The following ROBO1 variants were observed in gnomAD, a reference collection of about 807,000 sequenced individuals.
The protein encoded by ROBO1 is roundabout guidance receptor 1.
Under a neutral mutation model 195.9 loss-of-function variants are expected in ROBO1, and 149 were observed. The observed-to-expected ratio is 0.76, with a 90% CI of 0.67 to 0.87. The LOEUF is 0.87. Among genes scored for constraint, ROBO1 ranks in the 40% least tolerant of loss-of-function variants. The pLI is 0.00. For synonymous variants in ROBO1, 816 were observed against 733.2 expected (o/e 1.11, Z -1.82); for missense variants, 1,933 against 2,068.3 (o/e 0.93, Z 1.27).
At position 78,647,498 on chromosome 3, in the gene ROBO1, T is replaced by C. The variant is rs1706376548; in HGVS notation, c.2839+131A>G. The C allele has an allele frequency of 3.0e-5, 26 of 865,134 alleles. 2 individuals carry two copies. The South Asian group carries it at 3.3e-4, about 11-fold the overall frequency. 53.6% of individuals were successfully genotyped at this position (865,134 alleles called of 1,614,324 possible). ...TAAACACATGCCTGGTGTGAGTAAA[T>C]CAAGTATTACATTCCACTTTAAGTT... On this transcript the variant is annotated intron_variant, in intron 20 of 30. Transcript: ENST00000464233.
At chr3:79,353,427 A>G (rs924961299) in intron 2 of ROBO1, among the ~76,000 whole-genome samples, 3 of 151,956 alleles carry the variant, frequency 2.0e-5, no homozygotes, top group African/African-American at 4.8e-5. Flanking sequence ...ACACACACAC[A>G]CACGCACAGA....
chr3:79,741,885 G>C (rs1348351150), intron 1 of ROBO1, among the ~76,000 whole-genome samples: 1 of 152,196 alleles, frequency 6.6e-6, no homozygotes, highest in East Asian at 1.9e-4. Flanking sequence ...TTAGCAAAGA[G>C]GCTGGCAGCA....
chr3:79,222,857 A>G lies in ROBO1; in HGVS notation c.89-97318T>C, dbSNP rs193225236. ...TTTGTCCAACACAAAACAAACAAAC[A>G]AACAAAAACAAGAGTGTTTTTAGAC... On this transcript the variant is annotated intron_variant, in intron 2 of 30. Coordinates refer to ENST00000464233, the MANE Select transcript of ROBO1 (RefSeq NM_002941.4). Among the ~76,000 whole-genome samples, 784 of 152,270 alleles carry G rather than the reference A, an allele frequency of 5.1e-3. 12 individuals carry two copies. Among genetic ancestry groups the G allele is most frequent in the African/African-American group, 0.018 (740 of 41,534 alleles).
intron 4 of ROBO1, among the ~76,000 whole-genome samples, chr3:78,765,087 T>G (rs1342773469): frequency 6.6e-6 from 1 of 152,140 alleles, no homozygotes; most frequent in African/African-American, 2.4e-5. Flanking sequence ...TTGCTGAATT[T>G]TTAAAAAGTA....
chr3:79,705,511 G>A (rs1340980267), intron 1 of ROBO1, among the ~76,000 whole-genome samples: 1 of 151,924 alleles, frequency 6.6e-6, no homozygotes, highest in Non-Finnish European at 1.5e-5. Context: ...CTTTATTTCT[G>A]GGCTCTCTCT....
chr3:79,630,582 A>G (rs1945308688), intron 1 of ROBO1, among the ~76,000 whole-genome samples: 1 of 152,070 alleles, frequency 6.6e-6, no homozygotes. Context: ...CTGGAGAAAG[A>G]CAAGGATGCT....
intron 2 of ROBO1, among the ~76,000 whole-genome samples, chr3:79,493,340 G>A (rs1226948900): frequency 6.6e-6 from 1 of 151,838 alleles, no homozygotes; most frequent in African/African-American, 2.4e-5. Flanking sequence ...TATAATATGT[G>A]ATGAATTTCT....
At chr3:78,939,560 G>T (rs2040018715) in intron 3 of ROBO1, among the ~76,000 whole-genome samples, 1 of 151,138 alleles carries the variant, frequency 6.6e-6, no homozygotes, top group Non-Finnish European at 1.5e-5. Flanking sequence ...GGAGCTTGCA[G>T]TGAGCCGAGA....
chr3:78,951,302 A>AT (rs2040771659), intron 3 of ROBO1, among the ~76,000 whole-genome samples: 1 of 152,014 alleles, frequency 6.6e-6, no homozygotes, highest in African/African-American at 2.4e-5. Context: ...ACATATATAT[A>AT]ATATTCGACT....
intron 2 of ROBO1, among the ~76,000 whole-genome samples, chr3:79,564,634 A>G (rs1340149950): frequency 6.6e-6 from 1 of 152,106 alleles, no homozygotes; most frequent in Admixed American, 6.6e-5. Context: ...TTGAGAATTT[A>G]TGAGTCAAAC....
At chr3:78,759,656 T>G (rs918127176) in intron 4 of ROBO1, among the ~76,000 whole-genome samples, 1 of 152,194 alleles carries the variant, frequency 6.6e-6, no homozygotes, top group African/African-American at 2.4e-5. Flanking sequence ...CCCACCGAAT[T>G]TTATCCTCAT....
intron 2 of ROBO1, among the ~76,000 whole-genome samples, chr3:79,396,584 G>C (rs1246274872): frequency 6.6e-6 from 1 of 152,012 alleles, no homozygotes; most frequent in African/African-American, 2.4e-5. Context: ...AGGAAAAGAA[G>C]TCATAATTAC....
At chr3:78,631,481 T>A (rs188551843) in intron 24 of ROBO1, among the ~76,000 whole-genome samples, 176 bp from the exon 25 acceptor site, 3 of 152,162 alleles carry the variant, frequency 2.0e-5, no homozygotes, top group Non-Finnish European at 4.4e-5. Context: ...TGCAAGGTAC[T>A]GCCATGAATA....
intron 5 of ROBO1, among the ~76,000 whole-genome samples, chr3:78,732,454 CTGTAGGACTAA>C (rs2082306302): frequency 6.6e-6 from 1 of 152,114 alleles, no homozygotes; most frequent in Admixed American, 6.6e-5. Context: ...CATGTGTTGT[CTGTAGGACTAA>C]TGTTGTAAGG....
At chr3:79,391,917 A>C (rs1266551204) in intron 2 of ROBO1, among the ~76,000 whole-genome samples, 1 of 152,174 alleles carries the variant, frequency 6.6e-6, no homozygotes, top group East Asian at 1.9e-4. Context: ...TACAAGTATC[A>C]CTTCTCCCTC....
At chr3:79,475,422 A>G (rs1309906652) in intron 2 of ROBO1, among the ~76,000 whole-genome samples, 1 of 152,048 alleles carries the variant, frequency 6.6e-6, no homozygotes, top group African/African-American at 2.4e-5. Context: ...GGTAAGAAAT[A>G]AAAATGCTCT....
chr3:79,050,059 G>T (rs567486061), intron 3 of ROBO1, among the ~76,000 whole-genome samples: 2 of 152,230 alleles, frequency 1.3e-5, no homozygotes, highest in African/African-American at 4.8e-5. Context: ...AACCTTAAAT[G>T]TAAATGGGCT....
intron 22 of ROBO1, among the ~76,000 whole-genome samples, chr3:78,639,108 TGAGCTCCAGCCTGGCCTACA>T (rs1179233158): frequency 3.3e-5 from 5 of 151,632 alleles, no homozygotes; most frequent in Non-Finnish European, 7.4e-5. Flanking sequence ...ATTGCGCCTC[TGAGCTCCAGCCTGGCCTACA>T]GAGTGAGACT....
chr3:79,686,173 G>A (rs9831981), intron 1 of ROBO1, among the ~76,000 whole-genome samples: 43,475 of 151,930 alleles, frequency 0.29, 7,243 homozygotes, highest in African/African-American at 0.47. Context: ...TTCAACAACC[G>A]TTCATGCTAA....
Sources: allele counts gnomAD v4.1 joint callset (sites outside exome capture counted in the v4.1 genomes callset), GRCh38; gene constraint gnomAD v4.1.1; transcripts MANE v1.5; gene names NCBI Gene and HGNC (gene_info 2026-07-23, HGNC 2026-07-21).